HGFAC: variants seen among roughly 807,000 people sequenced by gnomAD.
HGFAC encodes hepatocyte growth factor activator serine protease.
In HGFAC, 76 loss-of-function variants were observed where a neutral mutation model predicts 70.6. The ratio of observed to expected loss-of-function variants is 1.08; its 90% CI spans 0.89 to 1.30. The LOEUF is 1.30. Ranked by LOEUF, HGFAC falls within the 50% of genes most tolerant of loss-of-function variation. HGFAC has a pLI of 0.00. For missense variants in HGFAC, 1,044 were observed against 933.7 expected, an observed-to-expected ratio of 1.12 and a Z score of -1.54; for synonymous variants, 464 against 405.3, an observed-to-expected ratio of 1.14 and a Z score of -1.74.
At position 3,447,581 on chromosome 4, in the gene HGFAC, A is replaced by G. The variant is rs1392147615; in HGVS notation, c.1445A>G (p.Tyr482Cys). 6.2e-7 allele frequency: 1 copy of G among 1,612,698 alleles called. No individual in the cohort carries two copies. The highest frequency in any genetic ancestry group is 1.1e-5 in the South Asian group (1 of 91,046). ...ACGCAGACCTTCGGCATCGAGAAGT[A>G]CATCCCGTACACCCTGTACTCGGTG... ...DVTQTFGIEK[Y>C]IPYTLYSVFN... Residue 482 changes from tyrosine (Y) to cysteine (C), a missense_variant, in exon 11 of 14, where the codon TAC (tyrosine) becomes TGC (cysteine). Tyr to Cys is a radical substitution (Grantham distance 194). Coordinates refer to ENST00000382774, the MANE Select transcript of HGFAC (RefSeq NM_001528.4).
rs374919117 is a variant in HGFAC at position 3,444,860 on chromosome 4, C to G, written c.883C>G (p.Arg295Gly). 1 of 1,605,346 alleles carries G rather than the reference C, an allele frequency of 6.2e-7. No homozygotes were observed. The highest frequency in any genetic ancestry group is 8.5e-7 in the Non-Finnish European group (1 of 1,176,668). The change falls in exon 8 of 14, where the codon CGT becomes GGT. Residue 295 changes from arginine (R) to glycine (G), a missense_variant. Coordinates refer to ENST00000382774, the MANE Select transcript of HGFAC (RefSeq NM_001528.4). ...CTTCTTGGGGAACGGCACTGGGTAC[C>G]GTGGCGTGGCCAGCACCTCAGCCTC... ...RCFLGNGTGY[R>G]GVASTSASGL...
chr4:3,443,435 G>C lies in HGFAC; in HGVS notation c.475+15G>C. The C allele has an allele frequency of 7.0e-7, 1 of 1,428,612 alleles. No individual in the cohort carries two copies. The highest frequency in any genetic ancestry group is 1.5e-5 in the South Asian group (1 of 67,800). The allele number at this position is 1,428,612 out of a possible 1,614,324, so 88.5% of individuals were successfully genotyped here. On this transcript the variant is annotated intron_variant, in intron 4 of 13. Coordinates refer to ENST00000382774, the MANE Select transcript of HGFAC (RefSeq NM_001528.4). ...AGGGGGCCCAGGTGGGTGCTGGGTT[G>C]GGTAGCCTGGGGCGGGCAGGGGGCA...
rs769600598 is a variant in HGFAC at position 3,446,274 on chromosome 4, C to T, written c.1335C>T (p.Ala445=). ...TCCACACCTGCTGGGTGGTGTCGGCCGCCCACTGCTTCTCCCACAGGTGCA... is the reference window on the plus strand; with the variant it reads ...TCCACACCTGCTGGGTGGTGTCGGCTGCCCACTGCTTCTCCCACAGGTGCA... ...SLVHTCWVVS[A]AHCFSHSPPR... is the part of the protein sequence containing the mutation. Residue 445 remains alanine, a synonymous_variant, in exon 10 of 14, where the codon GCC becomes GCT. Coordinates refer to ENST00000382774, the MANE Select transcript of HGFAC (RefSeq NM_001528.4). 9.6e-5 allele frequency: 154 copies of T among 1,607,592 alleles called. 2 individuals are homozygous for T. The highest frequency in any genetic ancestry group is 4.7e-5 in the Non-Finnish European group (55 of 1,178,256).
At chr4:3,443,601 C>A (rs933575439) in intron 4 of HGFAC, among the ~76,000 whole-genome samples, 181 bp downstream of exon 4, 1 of 152,198 alleles carries the variant, frequency 6.6e-6, no homozygotes, top group African/African-American at 2.4e-5. Context: ...GTGGGACCTG[C>A]GTCTCATGGT....
Position 3,447,619 on chromosome 4 carries a change from G to A in HGFAC, c.1483G>A (p.Asp495Asn), listed in dbSNP as rs555496209. 7.4e-6 allele frequency: 12 copies of A among 1,612,624 alleles called. No individual in the cohort carries two copies. Among genetic ancestry groups the A allele is most frequent in the African/African-American group, 5.3e-5 (4 of 75,064 alleles). The change falls in exon 11 of 14, where the codon GAC becomes AAC. Residue 495 changes from aspartate (D) to asparagine (N), a missense_variant. Coordinates refer to ENST00000382774, the MANE Select transcript of HGFAC (RefSeq NM_001528.4). ...CCTGTACTCGGTGTTCAACCCCAGC[G>A]ACCACGACCTCGGTGAGCTCCGGCG... ...YTLYSVFNPS[D>N]HDLVLIRLKK...
Position 3,444,106 on chromosome 4 carries a change from C to A in HGFAC, c.543C>A (p.Pro181=), listed in dbSNP as rs868534776. 1.2e-6 allele frequency: 2 copies of A among 1,612,262 alleles called. No individual in the cohort carries two copies. Among genetic ancestry groups the A allele is most frequent in the Admixed American group, 3.3e-5 (2 of 59,966 alleles). ...GCTCCTGCTCCAATACCCAGGACCC[C>A]CAGTCCTATCACTGCAGCTGCCCCC... The part of the protein sequence containing the change: ...NGGSCSNTQD[P]QSYHCSCPRA... Residue 181 remains proline (P), a synonymous_variant, in exon 5 of 14, where the codon CCC becomes CCA. Coordinates refer to ENST00000382774, the MANE Select transcript of HGFAC (RefSeq NM_001528.4).
At position 3,446,153 on chromosome 4, in the gene HGFAC, G is replaced by T. The variant is rs375825569; in HGVS notation, c.1214G>T (p.Arg405Leu). Residue 405 changes from arginine to leucine, a missense_variant, in exon 10 of 14, where the codon CGG (arginine) becomes CTG (leucine). Transcript: ENST00000382774. ...GRRHKKRTFL[R>L]PRIIGGSSSL... Reference sequence around the variant, plus strand: ...AGGCACAAGAAGAGGACGTTCCTGCGGCCACGTATCATCGGCGGCTCCTCC... The same window carrying T: ...AGGCACAAGAAGAGGACGTTCCTGCTGCCACGTATCATCGGCGGCTCCTCC... 2 of 1,611,734 alleles carry T rather than the reference G, an allele frequency of 1.2e-6. No individual in the cohort carries two copies. The highest frequency in any genetic ancestry group is 1.7e-6 in the Non-Finnish European group (2 of 1,179,544).
At chr4:3,445,398 G>A in intron 9 of HGFAC, 48 bp downstream of exon 9, 1 of 1,358,484 alleles carries the variant, frequency 7.4e-7, no homozygotes, top group Non-Finnish European at 1.0e-6. Flanking sequence ...CGAGGTCACA[G>A]CAGTTTTCCC....
chr4:3,447,347 C>A, intron 10 of HGFAC, 145 bp from the exon 11 acceptor site: 1 of 799,730 alleles, frequency 1.3e-6, no homozygotes. Context: ...TATCAACAGC[C>A]CACACCCAGG....
In HGFAC at chr4:3,444,407, G is replaced by A. The variant is rs1167649648; in HGVS notation, c.695G>A (p.Gly232Glu). 4.4e-6 allele frequency: 7 copies of A among 1,604,000 alleles called. No individual in the cohort carries two copies. The East Asian group carries it at 1.3e-4, about 31-fold the overall frequency. Residue 232 changes from glycine to glutamate, a missense_variant, in exon 6 of 14, where the codon GGG becomes GAG. Coordinates refer to ENST00000382774, the MANE Select transcript of HGFAC (RefSeq NM_001528.4). ...QGHVEQCECFGGRTWCEGTRH... is the reference protein window; with the variant it reads ...QGHVEQCECFEGRTWCEGTRH... ...CACGTGGAACAGTGCGAGTGCTTCGGGGGCCGGACCTGGTGCGAAGGCACC... is the reference window on the plus strand; with the variant it reads ...CACGTGGAACAGTGCGAGTGCTTCGAGGGCCGGACCTGGTGCGAAGGCACC...
Position 3,443,109 on chromosome 4 carries a change from C to T in HGFAC, c.358C>T (p.His120Tyr). ...FPFRYGGRML[H>Y]ACTSEGSAHR... ...CTTCCGCTACGGGGGCCGCATGCTG[C>T]ATGCCTGCACTTCGGAGGGCAGTGC... is the stretch of plus-strand genomic sequence containing the variant. Residue 120 changes from histidine (H) to tyrosine (Y), a missense_variant, in exon 3 of 14, where the codon CAT becomes TAT. Transcript: ENST00000382774. 1 of 1,590,186 alleles carries T rather than the reference C, an allele frequency of 6.3e-7. No homozygotes were observed.
rs1359732426 is a variant in HGFAC, at chr4:3,447,536, T to C, written c.1400T>C (p.Phe467Ser). Residue 467 changes from phenylalanine (F) to serine (S), a missense_variant, in exon 11 of 14, where the codon TTC (phenylalanine) becomes TCC (serine). By Grantham distance (155) the Phe-to-Ser change is radical. Coordinates refer to ENST00000382774, the MANE Select transcript of HGFAC (RefSeq NM_001528.4). ...SVSVVLGQHF[F>S]NRTTDVTQTF... Reference sequence around the variant, plus strand: ...TCCGTGGTGCTGGGCCAGCACTTCTTCAACCGCACGACGGACGTGACGCAG... The same window carrying C: ...TCCGTGGTGCTGGGCCAGCACTTCTCCAACCGCACGACGGACGTGACGCAG... 4 of 1,612,502 alleles carry C rather than the reference T, an allele frequency of 2.5e-6. No homozygotes were observed. Among genetic ancestry groups the C allele is most frequent in the Non-Finnish European group, 3.4e-6 (4 of 1,179,900 alleles).
Position 3,449,240 on chromosome 4 carries a change from G to T in HGFAC, c.1789G>T (p.Asp597Tyr). Reference protein sequence around the residue: ...FDCKSDACQGDSGGPLACEKN... With the variant: ...FDCKSDACQGYSGGPLACEKN... Reference sequence around the variant, plus strand: ...TCTGACCAACGTCTCTGCCCAGGGGGACTCAGGGGGGCCCCTGGCCTGCGA... The same window carrying T: ...TCTGACCAACGTCTCTGCCCAGGGGTACTCAGGGGGGCCCCTGGCCTGCGA... Residue 597 changes from aspartate (D) to tyrosine (Y), a missense_variant, in exon 14 of 14, where the codon GAC becomes TAC. By Grantham distance (160) the Asp-to-Tyr change is radical. Coordinates refer to ENST00000382774, the MANE Select transcript of HGFAC (RefSeq NM_001528.4). 2 of 1,611,722 alleles carry T rather than the reference G, an allele frequency of 1.2e-6. No homozygotes were observed. Among genetic ancestry groups the T allele is most frequent in the Middle Eastern group, 1.7e-4 (1 of 6,040 alleles).
In HGFAC at chr4:3,447,663, G is replaced by A. The variant is rs369345013; in HGVS notation, c.1495+32G>A. 81 of 1,610,406 alleles carry A rather than the reference G, an allele frequency of 5.0e-5. No individual in the cohort carries two copies. In the African/African-American group the frequency reaches 9.6e-4, roughly 19 times the overall value. On this transcript the variant is annotated intron_variant, in intron 11 of 13. Coordinates refer to ENST00000382774, the MANE Select transcript of HGFAC (RefSeq NM_001528.4). ...TCCGGCGTGTCGTGGCTGCACTCTG[G>A]GCAGGTGGGCCCTGTGCTCCCCAGG...
At chr4:3,442,640 T>C (rs1725351717) in intron 1 of HGFAC, 92 bp from the exon 2 acceptor site, 12 of 947,544 alleles carry the variant, frequency 1.3e-5, no homozygotes, top group Non-Finnish European at 1.8e-5. Context: ...GGGGCCCCAG[T>C]ATGGAAACAG....
chr4:3,445,066 T>C, intron 8 of HGFAC, 73 bp downstream of exon 8: 2 of 1,446,812 alleles, frequency 1.4e-6, no homozygotes, highest in Non-Finnish European at 1.8e-6. Context: ...GCCCCCCGGC[T>C]CCCTAGGACC....
rs1725361328 is a variant in HGFAC at position 3,442,865 on chromosome 4, CG to C, written c.252del (p.Pro86ArgfsTer161). 11 of 1,572,714 alleles carry C rather than the reference CG, an allele frequency of 7.0e-6. No homozygotes were observed. Among genetic ancestry groups the C allele is most frequent in the Non-Finnish European group, 9.5e-6 (11 of 1,163,926 alleles). ...EAEGPQSGGL[P>X]PPPRAVPSSS... Reference sequence around the variant, plus strand: ...GAGGGACCCCAAAGTGGGGGGCTCCCGCCCCCGCCCAGGGCAGTTCCCTCGA... The same window carrying C: ...GAGGGACCCCAAAGTGGGGGGCTCCCCCCCCGCCCAGGGCAGTTCCCTCGA... On this transcript the variant is annotated frameshift_variant, in exon 2 of 14. Transcript: ENST00000382774. LOFTEE classifies it high-confidence loss of function.
Position 3,442,911 on chromosome 4 carries a change from A to G in HGFAC, c.297A>G (p.Gln99=), listed in dbSNP as rs1227809430. The change falls in exon 2 of 14, where the codon CAA becomes CAG. Residue 99 remains glutamine (Q), a splice_region_variant and synonymous_variant. Coordinates refer to ENST00000382774, the MANE Select transcript of HGFAC (RefSeq NM_001528.4). ...CCTCGAGCAGTAGCCCCCAGGCCCA[A>G]GGTGGGTCAGGTGGGCCTGGGAGGA... ...AVPSSSSPQA[Q]ALTEDGRPCR... 6.4e-7 allele frequency: 1 copy of G among 1,560,988 alleles called. No individual in the cohort carries two copies. Among genetic ancestry groups the G allele is most frequent in the Non-Finnish European group, 8.7e-7 (1 of 1,154,692 alleles).
In HGFAC at chr4:3,442,550, C is replaced by T. The variant is rs184888223; in HGVS notation, c.118-182C>T. Reference sequence around the variant, plus strand: ...ACCCTGAGCAGGTGTTAACTAGGGGCCGAGGGCGGGGAAGGTGTCAGGGCC... The same window carrying T: ...ACCCTGAGCAGGTGTTAACTAGGGGTCGAGGGCGGGGAAGGTGTCAGGGCC... On this transcript the variant is annotated intron_variant, in intron 1 of 13. Coordinates refer to ENST00000382774, the MANE Select transcript of HGFAC (RefSeq NM_001528.4). Among the ~76,000 whole-genome samples, 371 of 152,170 alleles carry T rather than the reference C, an allele frequency of 2.4e-3. 1 individual carries two copies. Among genetic ancestry groups the T allele is most frequent in the African/African-American group, 7.8e-3 (324 of 41,498 alleles).
Sources: gnomAD v4.1 joint callset for allele counts (sites outside exome capture counted in the v4.1 genomes callset) on GRCh38, gnomAD v4.1.1 for gene constraint, MANE v1.5 for transcripts, NCBI Gene and HGNC (gene_info 2026-07-23, HGNC 2026-07-21) for gene names.